The following WDR43 variants were observed in gnomAD, a reference collection of about 807,000 sequenced individuals.
The protein encoded by WDR43 is WD repeat-containing protein 43.
In WDR43, 13 loss-of-function variants were observed where a neutral mutation model predicts 91.4. That is an observed-to-expected ratio of 0.14 (90% CI 0.09 to 0.23). The LOEUF (loss-of-function observed/expected upper bound fraction) is 0.23. Ranked by LOEUF, WDR43 falls within the 10% of genes least tolerant of loss-of-function variation. The pLI is 1.00. For synonymous variants in WDR43, 331 were observed against 287.9 expected (o/e 1.15, Z -1.51); for missense variants, 780 against 809.4 (o/e 0.96, Z 0.44).
chr2:28,931,942 C>G (rs1242975960), intron 11 of WDR43, among the ~76,000 whole-genome samples: 2 of 140,720 alleles, frequency 1.4e-5, no homozygotes, highest in Admixed American at 7.5e-5. Context: ...AGCAGTGTTG[C>G]AATTGTAGCT....
chr2:28,926,198 ATG>A (rs1354034263), intron 8 of WDR43, among the ~76,000 whole-genome samples: 4 of 152,230 alleles, frequency 2.6e-5, no homozygotes, highest in Non-Finnish European at 5.9e-5. Context: ...TAAAAAATAA[ATG>A]TGAAAAATTC....
chr2:28,912,491 A>G (rs778175637), intron 3 of WDR43, 99 bp from the exon 4 acceptor site: 11 of 1,451,726 alleles, frequency 7.6e-6, no homozygotes, highest in Non-Finnish European at 9.4e-6. Context: ...CTGAGGCGAT[A>G]TTTTTAATGA....
chr2:28,895,176 C>T, intron 1 of WDR43: 1 of 339,490 alleles, frequency 2.9e-6, no homozygotes, highest in Non-Finnish European at 5.3e-6. Context: ...CCAATGAGGC[C>T]TGGGCCCCAC....
chr2:28,939,709 C>T (rs903085389), intron 14 of WDR43, among the ~76,000 whole-genome samples: 1 of 152,180 alleles, frequency 6.6e-6, no homozygotes, highest in Non-Finnish European at 1.5e-5. Context: ...TTAAACCTTG[C>T]TTTACTAATT....
chr2:28,910,286 A>G lies in WDR43; in HGVS notation c.486-2304A>G, dbSNP rs1000750486. 2.6e-5 allele frequency among the ~76,000 whole-genome samples: 4 copies of G among 152,228 alleles called. No individual in the cohort carries two copies. In the East Asian group the frequency reaches 7.7e-4, roughly 29 times the overall value. On this transcript the variant is annotated intron_variant, in intron 3 of 17. Coordinates refer to ENST00000407426, the MANE Select transcript of WDR43 (RefSeq NM_015131.3). ...AGCTTATCAGCCTCGTCTAGGCAGG[A>G]TGGCGATTGTGTCTTTTATATATGT...
At chr2:28,902,187 T>TAA in intron 2 of WDR43, 63 bp downstream of exon 2, 14 of 1,343,516 alleles carry the variant, frequency 1.0e-5, no homozygotes, top group South Asian at 6.5e-5. Flanking sequence ...TAGAGATTAT[T>TAA]AAAAAAAAAA....
chr2:28,933,092 A>G (rs1671278881), intron 11 of WDR43, among the ~76,000 whole-genome samples: 1 of 152,148 alleles, frequency 6.6e-6, no homozygotes, highest in Non-Finnish European at 1.5e-5. Context: ...TCCATTCTCA[A>G]TTAAAATTCC....
intron 3 of WDR43, among the ~76,000 whole-genome samples, chr2:28,909,513 T>G (rs1190971552): frequency 6.6e-6 from 1 of 152,182 alleles, no homozygotes; most frequent in Non-Finnish European, 1.5e-5. Flanking sequence ...CTTTTATGTT[T>G]AAGGCATCCT....
intron 6 of WDR43, among the ~76,000 whole-genome samples, chr2:28,918,651 G>A (rs1670963122): frequency 6.6e-6 from 1 of 152,154 alleles, no homozygotes; most frequent in South Asian, 2.1e-4. Context: ...TTACAGGTGT[G>A]AGCCACCATG....
chr2:28,937,618 C>T (rs58241122), intron 13 of WDR43, among the ~76,000 whole-genome samples: 6,132 of 152,068 alleles, frequency 0.04, 247 homozygotes, highest in East Asian at 0.14. Context: ...TCAATTTGGA[C>T]GAAGATTACT....
chr2:28,931,576 A>G (rs1416409890), intron 11 of WDR43, among the ~76,000 whole-genome samples: 5 of 152,064 alleles, frequency 3.3e-5, no homozygotes, highest in Admixed American at 6.6e-5. Flanking sequence ...TGTTCTTTAT[A>G]TAGGTTAGAT....
In WDR43 at chr2:28,894,845, C is replaced by G. The variant is rs752267454; in HGVS notation, c.147C>G (p.His49Gln). The G allele has an allele frequency of 1.3e-5, 21 of 1,611,068 alleles. No homozygotes were observed. The highest frequency in any genetic ancestry group is 1.6e-5 in the Non-Finnish European group (19 of 1,178,798). ...RVWETANNRL[H>Q]QEYVPSAHLS... ...GGGAGACGGCCAACAACCGGCTGCACCAGGAGTACGTGCCTTCCGCGCACC... is the reference window on the plus strand; with the variant it reads ...GGGAGACGGCCAACAACCGGCTGCAGCAGGAGTACGTGCCTTCCGCGCACC... Residue 49 changes from histidine (H) to glutamine (Q), a missense_variant, in exon 1 of 18, where the codon CAC becomes CAG. Around this residue, in one of 4 missense-constraint regions of WDR43, gnomAD observed 175 missense variants for 113.8 expected, o/e 1.54. Coordinates refer to ENST00000407426, the MANE Select transcript of WDR43 (RefSeq NM_015131.3).
intron 11 of WDR43, among the ~76,000 whole-genome samples, chr2:28,931,326 C>T (rs1045751352): frequency 6.6e-6 from 1 of 152,136 alleles, no homozygotes; most frequent in South Asian, 2.1e-4. Context: ...GTGATCCACC[C>T]GCCTTGGCCT....
Position 28,927,618 on chromosome 2 carries a change from T to G in WDR43, c.1223T>G (p.Ile408Ser). The G allele has an allele frequency of 1.2e-6, 2 of 1,613,920 alleles. No individual in the cohort carries two copies. Among genetic ancestry groups the G allele is most frequent in the East Asian group, 4.5e-5 (2 of 44,876 alleles). The change falls in exon 10 of 18, where the codon ATT (isoleucine) becomes AGT (serine). Residue 408 changes from isoleucine to serine, a missense_variant. Coordinates refer to ENST00000407426, the MANE Select transcript of WDR43 (RefSeq NM_015131.3). Reference sequence around the variant, plus strand: ...GAAGCAAAAGTTCTGGTGCCTGGGATTCCTGGTCATCATGCAGCTATCAAG... The same window carrying G: ...GAAGCAAAAGTTCTGGTGCCTGGGAGTCCTGGTCATCATGCAGCTATCAAG... ...NSEAKVLVPGIPGHHAAIKPA... is the reference protein window; with the variant it reads ...NSEAKVLVPGSPGHHAAIKPA...
At chr2:28,914,242 T>G in intron 5 of WDR43, 34 bp downstream of exon 5, 1 of 1,594,258 alleles carries the variant, frequency 6.3e-7, no homozygotes, top group Non-Finnish European at 8.5e-7. Flanking sequence ...GAGGTAGCAT[T>G]GAAAGAATCT....
At position 28,931,874 on chromosome 2, in the gene WDR43, CTT is replaced by C. The variant is rs11352086; in HGVS notation, c.1437+2181_1437+2182del. Reference sequence around the variant, plus strand: ...AAATACACATGCCCTTCCCCCCGCCCTTTTTTTTTTTTTTTTTTAAATGAGAC... The same window carrying C: ...AAATACACATGCCCTTCCCCCCGCCCTTTTTTTTTTTTTTTTAAATGAGAC... On this transcript the variant is annotated intron_variant, in intron 11 of 17. Transcript: ENST00000407426. Among the ~76,000 whole-genome samples, 211 of 128,314 alleles carry C rather than the reference CTT, an allele frequency of 1.6e-3. 1 individual carries two copies. Among genetic ancestry groups the C allele is most frequent in the Middle Eastern group, 0.013 (3 of 234 alleles). 84.2% of individuals were successfully genotyped at this position (128,314 alleles called of 152,430 possible).
chr2:28,932,766 A>G (rs1245762095), intron 11 of WDR43, among the ~76,000 whole-genome samples: 3 of 152,232 alleles, frequency 2.0e-5, no homozygotes, highest in Non-Finnish European at 1.5e-5. Flanking sequence ...GAAGGTGGAA[A>G]TGTAACTCAA....
intron 16 of WDR43, among the ~76,000 whole-genome samples, chr2:28,942,670 A>C (rs1230604837): frequency 3.4e-5 from 5 of 146,192 alleles, no homozygotes; most frequent in Admixed American, 2.8e-4. Context: ...GTTGTAGTGC[A>C]GTGCTGTGAT....
Position 28,914,087 on chromosome 2 carries a change from A to G in WDR43, c.625A>G (p.Thr209Ala). 1 of 1,613,826 alleles carries G rather than the reference A, an allele frequency of 6.2e-7. No homozygotes were observed. The highest frequency in any genetic ancestry group is 1.1e-5 in the South Asian group (1 of 91,012). ...TCTCTAGCATTTCACAGGACATGCAACGCCAGTTTCGTCACTGATGTTCAC... is the reference window on the plus strand; with the variant it reads ...TCTCTAGCATTTCACAGGACATGCAGCGCCAGTTTCGTCACTGATGTTCAC... ...EVYRHFTGHATPVSSLMFTTI... is the reference protein window; with the variant it reads ...EVYRHFTGHAAPVSSLMFTTI... Residue 209 changes from threonine to alanine, a missense_variant, in exon 5 of 18, where the codon ACG becomes GCG. Thr to Ala is a moderately conservative substitution (Grantham distance 58, BLOSUM62 0). Transcript: ENST00000407426.
Sources: allele counts gnomAD v4.1 joint callset (sites outside exome capture counted in the v4.1 genomes callset), GRCh38; gene constraint gnomAD v4.1.1; regional missense constraint gnomAD v4.1.1; transcripts MANE v1.5; gene names NCBI Gene and HGNC (gene_info 2026-07-23, HGNC 2026-07-21).